Variants in EHMT1 observed in about 807,000 individuals in gnomAD.
EHMT1 encodes the protein histone-lysine N-methyltransferase EHMT1.
A neutral mutation model predicts 147.2 loss-of-function variants in EHMT1; 15 were observed. The observed-to-expected ratio is 0.10, with a 90% confidence interval of 0.07 to 0.16. EHMT1 has a LOEUF of 0.16. EHMT1 is among the 10% of genes least tolerant of loss of function. The pLI, the probability that EHMT1 is intolerant of heterozygous loss-of-function variation, is 1.00. For missense variants in EHMT1, 1,587 were observed against 1,772.4 expected, an observed-to-expected ratio of 0.90 and a Z score of 1.88; for synonymous variants, 795 against 709.6, an observed-to-expected ratio of 1.12 and a Z score of -1.91.
intron 4 of EHMT1, among the ~76,000 whole-genome samples, chr9:137,733,918 C>T (rs1947321722): frequency 6.6e-6 from 1 of 152,164 alleles, no homozygotes. Context: ...ATCTCAGGCT[C>T]ACCCTCCTCA....
Position 137,720,843 on chromosome 9 carries a change from G to A in EHMT1, c.642+3661G>A, listed in dbSNP as rs191337568. Among the ~76,000 whole-genome samples the A allele has an allele frequency of 2.5e-3, 377 of 152,202 alleles. 2 individuals carry two copies. Among genetic ancestry groups the A allele is most frequent in the African/African-American group, 8.9e-3 (368 of 41,508 alleles). On this transcript the variant is annotated intron_variant, in intron 3 of 26. Coordinates refer to ENST00000460843, the MANE Select transcript of EHMT1 (RefSeq NM_024757.5). The stretch of plus-strand genomic sequence containing the variant: ...GGGCATTTACGTACACGTTTTGGAT[G>A]TAAGATTTACTTCTGTGGGTCAAAC...
At chr9:137,818,752 C>T (rs12685088) in intron 25 of EHMT1, among the ~76,000 whole-genome samples, 4 of 29,550 alleles carry the variant, frequency 1.4e-4, no homozygotes, top group Non-Finnish European at 2.3e-4. Flanking sequence ...TGAGGGGCGC[C>T]GTGTACCGAG....
intron 2 of EHMT1, among the ~76,000 whole-genome samples, chr9:137,713,882 A>T (rs1219850022): frequency 6.6e-6 from 1 of 152,124 alleles, no homozygotes; most frequent in East Asian, 1.9e-4. Context: ...CCCGGGAGGC[A>T]GAGCTTGCAG....
At chr9:137,669,475 C>G (rs867454646) in intron 1 of EHMT1, among the ~76,000 whole-genome samples, 3,485 of 127,286 alleles carry the variant, frequency 0.027, no homozygotes, top group Middle Eastern at 0.04. Context: ...AAGACGCCCC[C>G]CACAGCACGT....
chr9:137,668,693 G>A (rs1363446607), intron 1 of EHMT1, among the ~76,000 whole-genome samples: 1 of 151,088 alleles, frequency 6.6e-6, no homozygotes, highest in Non-Finnish European at 1.5e-5. Flanking sequence ...GTTCTCTGTT[G>A]TCTTTCGTGC....
chr9:137,798,113 G>T (rs757024076), intron 16 of EHMT1, among the ~76,000 whole-genome samples: 1 of 152,238 alleles, frequency 6.6e-6, no homozygotes, highest in Non-Finnish European at 1.5e-5. Flanking sequence ...GGTGGCTCAT[G>T]CCTGTAATCC....
At chr9:137,637,736 G>A (rs1452811048) in intron 1 of EHMT1, 1 of 152,258 alleles carries the variant, frequency 6.6e-6, no homozygotes. Context: ...TTTGGGAAGA[G>A]TTTGTGAAGC....
chr9:137,772,477 G>A (rs764645779), intron 10 of EHMT1, among the ~76,000 whole-genome samples: 41 of 152,218 alleles, frequency 2.7e-4, no homozygotes, highest in Non-Finnish European at 4.6e-4. Flanking sequence ...CAGGTGGGGT[G>A]CCTAGCTGCA....
intron 14 of EHMT1, among the ~76,000 whole-genome samples, chr9:137,781,426 T>C (rs572605913): frequency 3.1e-4 from 47 of 149,212 alleles, no homozygotes; most frequent in Non-Finnish European, 5.9e-4. Context: ...CTGAGATGTG[T>C]GGTGATGACG....
intron 1 of EHMT1, among the ~76,000 whole-genome samples, chr9:137,682,076 G>A (rs1018292489): frequency 1.3e-5 from 2 of 151,668 alleles, no homozygotes; most frequent in Admixed American, 6.6e-5. Context: ...TCAGCCTCCC[G>A]AGTAGCTGGG....
In EHMT1 at chr9:137,779,549, G is replaced by A. The variant is rs532831110; in HGVS notation, c.2193-86G>A. On this transcript the variant is annotated intron_variant, in intron 13 of 26. Transcript: ENST00000460843. ...CCCCATGAGCTTGAGGGGCTGGTGG[G>A]GAGATGTCCGCCGGGCCTTCCAGCC... The A allele has an allele frequency of 1.1e-5, 15 of 1,420,722 alleles. No individual in the cohort carries two copies. In the Admixed American group the frequency reaches 1.2e-4, roughly 12 times the overall value. 88.0% of individuals were successfully genotyped at this position (1,420,722 alleles called of 1,614,324 possible).
intron 4 of EHMT1, among the ~76,000 whole-genome samples, chr9:137,729,083 C>T (rs962068683): frequency 1.3e-5 from 2 of 152,114 alleles, no homozygotes; most frequent in Admixed American, 1.3e-4. Flanking sequence ...GTGAGCGCTG[C>T]GTCAGGGCTC....
At chr9:137,717,686 C>T (rs1015042973) in intron 3 of EHMT1, among the ~76,000 whole-genome samples, 1 of 152,026 alleles carries the variant, frequency 6.6e-6, no homozygotes, top group Middle Eastern at 3.4e-3. Context: ...GGTGACGCCT[C>T]GCTTCCTTCT....
At chr9:137,619,149 CG>C (rs1245992531) in intron 1 of EHMT1, 100 bp downstream of exon 1, 1 of 209,734 alleles carries the variant, frequency 4.8e-6, no homozygotes, top group Admixed American at 7.2e-5. Flanking sequence ...AGGCGGCCGG[CG>C]GGCGGGCGGG....
chr9:137,834,544 C>G lies in EHMT1; in HGVS notation c.3716+20C>G, dbSNP rs746425128. On this transcript the variant is annotated intron_variant, in intron 26 of 26. Transcript: ENST00000460843. Reference sequence around the variant, plus strand: ...GCTCGGGTACGCACCGCCCCGGCCCCTGGCCATCTCCGCTGCCGGCGGGAC... The same window carrying G: ...GCTCGGGTACGCACCGCCCCGGCCCGTGGCCATCTCCGCTGCCGGCGGGAC... 1.9e-6 allele frequency: 3 copies of G among 1,608,628 alleles called. No homozygotes were observed. Among genetic ancestry groups the G allele is most frequent in the Non-Finnish European group, 1.7e-6 (2 of 1,179,260 alleles).
intron 1 of EHMT1, among the ~76,000 whole-genome samples, chr9:137,657,744 A>G (rs756780009): frequency 5.3e-5 from 8 of 151,938 alleles, no homozygotes; most frequent in Non-Finnish European, 1.2e-4. Flanking sequence ...TTGCTGTGCT[A>G]TCAAGTACTA....
chr9:137,746,311 C>T (rs2136099303), intron 6 of EHMT1: 1 of 152,246 alleles, frequency 6.6e-6, no homozygotes, highest in Non-Finnish European at 1.5e-5. Flanking sequence ...GAGACAGGAT[C>T]CCACTGTGTT....
At chr9:137,784,351 T>G in intron 15 of EHMT1, 1 of 1,285,630 alleles carries the variant, frequency 7.8e-7, no homozygotes, top group Non-Finnish European at 9.9e-7. Context: ...CAAAACCTCA[T>G]TGGGGCCCCC....
chr9:137,676,690 T>A (rs1389270680), intron 1 of EHMT1, among the ~76,000 whole-genome samples: 1 of 151,884 alleles, frequency 6.6e-6, no homozygotes, highest in Non-Finnish European at 1.5e-5. Flanking sequence ...GGGACTGGAG[T>A]CCGCATGAGC....
Sources: allele counts gnomAD v4.1 joint callset (sites outside exome capture counted in the v4.1 genomes callset), GRCh38; gene constraint gnomAD v4.1.1; transcripts MANE v1.5; gene names NCBI Gene and HGNC (gene_info 2026-07-23, HGNC 2026-07-21).